ZNF536: variants seen among roughly 807,000 people sequenced by gnomAD.
ZNF536 encodes zinc finger protein 536.
In ZNF536, 13 loss-of-function variants were observed where a neutral mutation model predicts 84.5. The observed-to-expected ratio is 0.15, with a 90% CI of 0.10 to 0.24. The LOEUF (loss-of-function observed/expected upper bound fraction) is 0.24, where lower values mean the gene tolerates loss of function less well. Ranked by LOEUF, ZNF536 falls within the 10% of genes least tolerant of loss-of-function variation. The pLI is 1.00. For synonymous variants in ZNF536, 811 were observed against 742.5 expected (o/e 1.09, Z -1.50); for missense variants, 1,536 against 1,747.5 (o/e 0.88, Z 2.16).
chr19:30,554,238 C>A (rs1005990284), intron 4 of ZNF536: 1 of 146,292 alleles, frequency 6.8e-6, no homozygotes, highest in Non-Finnish European at 1.5e-5. Flanking sequence ...CATAGGCAGT[C>A]GGAGAATACC....
In ZNF536 at chr19:30,672,077, C is replaced by T. The variant is rs1377864153; in HGVS notation, c.170-38680C>T. 2.0e-5 allele frequency among the ~76,000 whole-genome samples: 3 copies of T among 152,260 alleles called. No homozygotes were observed. In the East Asian group the frequency reaches 5.8e-4, roughly 29 times the overall value. ...CACTTGGGTCACCCGATTCCCATCT[C>T]AACGTTTCTTTTTCCTTGCTATAAT... On this transcript the variant is annotated intron_variant, in intron 1 of 1. Coordinates refer to the ZNF536 transcript ENST00000592773.
chr19:30,497,616 A>T (rs1344637250), intron 2 of ZNF536, among the ~76,000 whole-genome samples: 2 of 152,198 alleles, frequency 1.3e-5, no homozygotes, highest in African/African-American at 4.8e-5. Context: ...AACCCACCTG[A>T]GTGGCCCAAA....
At chr19:30,299,331 A>G (rs1196656413) in intron 2 of ZNF536, among the ~76,000 whole-genome samples, 2 of 152,226 alleles carry the variant, frequency 1.3e-5, no homozygotes, top group Admixed American at 6.5e-5. Context: ...TGAATCTTGC[A>G]TGAATATTCT....
At chr19:30,625,070 T>G (rs900428340) in intron 1 of ZNF536, among the ~76,000 whole-genome samples, 1 of 152,200 alleles carries the variant, frequency 6.6e-6, no homozygotes, top group African/African-American at 2.4e-5. Flanking sequence ...TTGGGCAGTA[T>G]CTTTATAGCA....
intron 2 of ZNF536, among the ~76,000 whole-genome samples, chr19:30,323,888 A>G (rs1313055254): frequency 6.6e-6 from 1 of 152,014 alleles, no homozygotes; most frequent in African/African-American, 2.4e-5. Context: ...TCTTCCCCTC[A>G]GTCAACCTGA....
chr19:30,489,904 G>T (rs1375420427), intron 2 of ZNF536, among the ~76,000 whole-genome samples: 1 of 152,208 alleles, frequency 6.6e-6, no homozygotes, highest in Non-Finnish European at 1.5e-5. Context: ...AACAAATTCT[G>T]AATTTCCAAT....
At chr19:30,639,411 C>G (rs993771146) in intron 1 of ZNF536, among the ~76,000 whole-genome samples, 1 of 152,116 alleles carries the variant, frequency 6.6e-6, no homozygotes, top group Non-Finnish European at 1.5e-5. Context: ...TGTACTAAGT[C>G]TTGGAAATCC....
intron 2 of ZNF536, among the ~76,000 whole-genome samples, chr19:30,467,938 C>T (rs371582188): frequency 4.6e-5 from 7 of 152,340 alleles, no homozygotes; most frequent in East Asian, 1.9e-4. Context: ...GGCCGCACAG[C>T]GGCCTGTGTG....
chr19:30,675,344 C>T (rs908032512), intron 1 of ZNF536, among the ~76,000 whole-genome samples: 7 of 152,118 alleles, frequency 4.6e-5, no homozygotes, highest in African/African-American at 1.7e-4. Context: ...CCTGATGGAC[C>T]CCTCAAAGGT....
At chr19:30,262,747 C>T (rs1258189850) in intron 1 of ZNF536, among the ~76,000 whole-genome samples, 1 of 152,156 alleles carries the variant, frequency 6.6e-6, no homozygotes, top group African/African-American at 2.4e-5. Flanking sequence ...AGGGGGACCT[C>T]ACCCTCAGGG....
intron 2 of ZNF536, among the ~76,000 whole-genome samples, chr19:30,517,103 G>A (rs1171170647): frequency 2.0e-5 from 3 of 152,162 alleles, no homozygotes; most frequent in African/African-American, 7.2e-5. Flanking sequence ...ATCTGACTCA[G>A]GTTCTGAGCA....
Position 30,250,282 on chromosome 19 carries a change from C to T in ZNF536, c.-190+21609C>T, listed in dbSNP as rs73924249. Among the ~76,000 whole-genome samples, 620 of 152,332 alleles carry T rather than the reference C, an allele frequency of 4.1e-3. 5 individuals carry two copies. Among genetic ancestry groups the T allele is most frequent in the African/African-American group, 0.014 (585 of 41,578 alleles). On this transcript the variant is annotated intron_variant, in intron 1 of 5. Transcript: ENST00000585628. ...AGGGCTTTTCTTGTGCGGGCCTCCTCCAAAGACCCTAACCCTTTCCCCTCT... is the reference window on the plus strand; with the variant it reads ...AGGGCTTTTCTTGTGCGGGCCTCCTTCAAAGACCCTAACCCTTTCCCCTCT...
intron 1 of ZNF536, among the ~76,000 whole-genome samples, chr19:30,443,205 G>A (rs998986863): frequency 1.3e-5 from 2 of 152,054 alleles, no homozygotes; most frequent in Admixed American, 6.5e-5. Flanking sequence ...GAACCAACAG[G>A]TACAGGTGCG....
At chr19:30,371,117 A>G (rs1021588500), upstream of ZNF536, among the ~76,000 whole-genome samples, 5 of 152,280 alleles carry the variant, frequency 3.3e-5, no homozygotes, top group Non-Finnish European at 7.3e-5. Flanking sequence ...GTGTCTGAAT[A>G]TGGCTGTTAA....
At chr19:30,242,176 C>A (rs2023984675) in intron 1 of ZNF536, among the ~76,000 whole-genome samples, 1 of 152,052 alleles carries the variant, frequency 6.6e-6, no homozygotes, top group South Asian at 2.1e-4. Context: ...TTCCCTCTTG[C>A]CCTCCTTCTA....
intron 2 of ZNF536, among the ~76,000 whole-genome samples, chr19:30,499,680 G>C (rs1052140058): frequency 1.3e-5 from 2 of 152,120 alleles, no homozygotes; most frequent in African/African-American, 4.8e-5. Flanking sequence ...AATAAGTTTC[G>C]TGTGATTACC....
intron 2 of ZNF536, among the ~76,000 whole-genome samples, chr19:30,342,541 A>C (rs994720453): frequency 6.6e-6 from 1 of 152,212 alleles, no homozygotes; most frequent in Non-Finnish European, 1.5e-5. Context: ...CTTTTTGTAC[A>C]GGAAAAGACA....
intron 1 of ZNF536, among the ~76,000 whole-genome samples, chr19:30,674,133 G>A (rs1053684346): frequency 6.6e-6 from 1 of 152,240 alleles, no homozygotes; most frequent in Non-Finnish European, 1.5e-5. Flanking sequence ...TCAGAGCTGA[G>A]GCACTCGGAA....
chr19:30,426,976 CATCCATGT>C, intron 1 of ZNF536, among the ~76,000 whole-genome samples: 1 of 152,092 alleles, frequency 6.6e-6, no homozygotes, highest in Admixed American at 6.5e-5. Flanking sequence ...TGCATCCATC[CATCCATGT>C]ATCCATCCAT....
Sources: allele counts gnomAD v4.1 joint callset (sites outside exome capture counted in the v4.1 genomes callset), GRCh38; gene constraint gnomAD v4.1.1; transcripts MANE v1.5; gene names NCBI Gene and HGNC (gene_info 2026-07-23, HGNC 2026-07-21).